METTL8: variants seen among roughly 807,000 people sequenced by gnomAD.
METTL8 encodes the protein methyltransferase 8, tRNA N3-cytidine.
Under a neutral mutation model 48.7 loss-of-function variants are expected in METTL8, and 32 were observed. The ratio of observed to expected loss-of-function variants is 0.66; its 90% CI spans 0.50 to 0.88. METTL8 has a LOEUF of 0.88. Among genes scored for constraint, METTL8 ranks in the 40% least tolerant of loss-of-function variants. The pLI is 0.00. For missense variants in METTL8, 464 were observed against 474.4 expected (o/e 0.98, Z 0.20); for synonymous variants, 136 against 157.1 (o/e 0.87, Z 1.01).
At chr2:171,410,389 C>T (rs1182692753) in intron 1 of METTL8, among the ~76,000 whole-genome samples, 2 of 152,156 alleles carry the variant, frequency 1.3e-5, no homozygotes, top group Non-Finnish European at 2.9e-5. Flanking sequence ...TGGGGCAACT[C>T]GAATCTTATT....
At chr2:171,369,307 AAAC>A (rs1191083318) in intron 2 of METTL8, among the ~76,000 whole-genome samples, 3 of 152,174 alleles carry the variant, frequency 2.0e-5, no homozygotes, top group Non-Finnish European at 2.9e-5. Flanking sequence ...CTCTGTCTCA[AAAC>A]AACAACAACA....
intron 5 of METTL8, among the ~76,000 whole-genome samples, chr2:171,334,928 G>C (rs1685927345): frequency 6.6e-6 from 1 of 152,132 alleles, no homozygotes; most frequent in Admixed American, 6.6e-5. Context: ...TCTACCTTAA[G>C]GAATATAAAA....
intron 3 of METTL8, among the ~76,000 whole-genome samples, chr2:171,352,618 G>A (rs1015579573): frequency 1.3e-5 from 2 of 152,096 alleles, no homozygotes; most frequent in South Asian, 4.2e-4. Context: ...TTGGTTGGTA[G>A]GCTCTTAATT....
At chr2:171,374,138 T>C (rs1441857736) in intron 2 of METTL8, among the ~76,000 whole-genome samples, 6 of 152,264 alleles carry the variant, frequency 3.9e-5, no homozygotes, top group Non-Finnish European at 8.8e-5. Context: ...CATTTGTTTG[T>C]GTCCTCTTTT....
intron 2 of METTL8, among the ~76,000 whole-genome samples, chr2:171,366,017 C>A (rs143223093): frequency 1.8e-4 from 27 of 152,206 alleles, no homozygotes; most frequent in African/African-American, 6.5e-4. Context: ...AGGGTTTGTG[C>A]AACAGGATAC....
At chr2:171,386,536 G>A (rs988275617) in intron 2 of METTL8, among the ~76,000 whole-genome samples, 10 of 152,212 alleles carry the variant, frequency 6.6e-5, no homozygotes, top group African/African-American at 2.4e-4. Context: ...GTCCGAGGTA[G>A]GCAGTTCACC....
chr2:171,338,838 A>G (rs1236669146), intron 4 of METTL8, among the ~76,000 whole-genome samples: 1 of 152,196 alleles, frequency 6.6e-6, no homozygotes, highest in African/African-American at 2.4e-5. Flanking sequence ...AGCAAATTAT[A>G]TATCTCACTT....
rs577069535 is a variant in METTL8 at position 171,413,091 on chromosome 2, C to T, written c.-13+20792G>A. On this transcript the variant is annotated intron_variant, in intron 1 of 9. Transcript: ENST00000375258. ...ACATAAGATGATACAAAATCAAGCA[C>T]GGGCTAAAGATCCAGTCAAAGTATA... 1.1e-4 allele frequency among the ~76,000 whole-genome samples: 16 copies of T among 152,248 alleles called. No individual in the cohort carries two copies. The South Asian group carries it at 1.2e-3, about 12-fold the overall frequency.
chr2:171,353,238 C>T lies in METTL8; in HGVS notation c.235+7184G>A, dbSNP rs77159163. ...CATTTCATTATGTACCCAGTAGTCA[C>T]TCAGGAGCAGCTTGTGCAGTTTCCG... On this transcript the variant is annotated intron_variant, in intron 3 of 9. Coordinates refer to ENST00000375258, the MANE Select transcript of METTL8 (RefSeq NM_001321154.2). Among the ~76,000 whole-genome samples, 291 of 152,250 alleles carry T rather than the reference C, an allele frequency of 1.9e-3. 6 individuals carry two copies. In the East Asian group the frequency reaches 0.029, roughly 15 times the overall value.
intron 3 of METTL8, among the ~76,000 whole-genome samples, chr2:171,357,993 G>A (rs376321743): frequency 1.3e-5 from 2 of 152,078 alleles, no homozygotes; most frequent in African/African-American, 4.8e-5. Context: ...ACTTGTGCCT[G>A]GCCCCTAAAG....
At chr2:171,396,005 C>T (rs1485413621) in intron 1 of METTL8, among the ~76,000 whole-genome samples, 2 of 152,170 alleles carry the variant, frequency 1.3e-5, no homozygotes. Flanking sequence ...GGCACAGTGG[C>T]TCATGCCTGT....
At chr2:171,347,542 C>A (rs907865561) in intron 3 of METTL8, among the ~76,000 whole-genome samples, 2 of 152,120 alleles carry the variant, frequency 1.3e-5, no homozygotes, top group Non-Finnish European at 1.5e-5. Flanking sequence ...GCAAAAAAAT[C>A]CTTGGTTTTT....
intron 3 of METTL8, among the ~76,000 whole-genome samples, chr2:171,342,651 CAG>C (rs1686893757): frequency 6.6e-6 from 1 of 151,790 alleles, no homozygotes; most frequent in South Asian, 2.1e-4. Context: ...TCATTCCATG[CAG>C]GTAAAAGATT....
At chr2:171,422,417 G>C (rs1433116640) in intron 1 of METTL8, among the ~76,000 whole-genome samples, 1 of 152,166 alleles carries the variant, frequency 6.6e-6, no homozygotes, top group Non-Finnish European at 1.5e-5. Flanking sequence ...ATATCTTTAT[G>C]ACCTCAAGTT....
chr2:171,343,299 T>C (rs7595340), intron 3 of METTL8, among the ~76,000 whole-genome samples: 149,086 of 152,070 alleles, frequency 0.98, 73,168 homozygotes, highest in Middle Eastern at 1. Context: ...ATTAGCCGGG[T>C]GTGGTGGTAC....
In METTL8 at chr2:171,362,511, G is replaced by A. The variant is rs969000129; in HGVS notation, c.144-1998C>T. Among the ~76,000 whole-genome samples the A allele has an allele frequency of 2.6e-5, 4 of 151,636 alleles. 1 individual carries two copies. The highest frequency in any genetic ancestry group is 7.3e-5 in the African/African-American group (3 of 41,294). On this transcript the variant is annotated intron_variant, in intron 2 of 9. Coordinates refer to ENST00000375258, the MANE Select transcript of METTL8 (RefSeq NM_001321154.2). ...CAGATATGAGAGGGTATATTCCAGT[G>A]ACCTGGCTATAAATACACCGTTGAA...
chr2:171,401,356 G>GC (rs1689620856), intron 1 of METTL8, among the ~76,000 whole-genome samples: 1 of 152,114 alleles, frequency 6.6e-6, no homozygotes, highest in African/African-American at 2.4e-5. Context: ...GGCAACTCAT[G>GC]CATCTTGTTT....
intron 1 of METTL8, among the ~76,000 whole-genome samples, chr2:171,424,817 C>T (rs1692238684): frequency 6.6e-6 from 1 of 152,148 alleles, no homozygotes; most frequent in African/African-American, 2.4e-5. Context: ...GTTGGAAGGA[C>T]ATGATTGTGT....
intron 5 of METTL8, 119 bp from the exon 6 acceptor site, chr2:171,331,986 A>G (rs910663944): frequency 6.0e-6 from 4 of 663,140 alleles, no homozygotes; most frequent in South Asian, 3.7e-5. Flanking sequence ...CCTGGACTCT[A>G]GCGATCTTGC....
Sources: gnomAD v4.1 joint callset for allele counts (sites outside exome capture counted in the v4.1 genomes callset) on GRCh38, gnomAD v4.1.1 for gene constraint, MANE v1.5 for transcripts, NCBI Gene and HGNC (gene_info 2026-07-23, HGNC 2026-07-21) for gene names.